Variants in ATP2B4 observed in about 807,000 individuals in gnomAD.
ATP2B4 encodes plasma membrane calcium-transporting ATPase 4.
A neutral mutation model predicts 110.3 loss-of-function variants in ATP2B4; 39 were observed. That is an observed-to-expected ratio of 0.35 (90% CI 0.27 to 0.46). The LOEUF (loss-of-function observed/expected upper bound fraction) is 0.46, where lower values mean the gene tolerates loss of function less well. Ranked by LOEUF, ATP2B4 falls within the 20% of genes least tolerant of loss-of-function variation. The pLI is 1.00. For synonymous variants in ATP2B4, 538 were observed against 571.7 expected, an observed-to-expected ratio of 0.94 and a Z score of 0.84; for missense variants, 1,135 against 1,530.9, an observed-to-expected ratio of 0.74 and a Z score of 4.32.
intron 2 of ATP2B4, among the ~76,000 whole-genome samples, chr1:203,694,981 T>G (rs1480338205): frequency 6.6e-6 from 1 of 152,202 alleles, no homozygotes; most frequent in Non-Finnish European, 1.5e-5. Flanking sequence ...GGTATTAGCA[T>G]GAGAGCAGAG....
chr1:203,717,610 TGTGAAATGG>T (rs1666195475), intron 15 of ATP2B4, among the ~76,000 whole-genome samples: 3 of 150,724 alleles, frequency 2.0e-5, no homozygotes, highest in Non-Finnish European at 4.4e-5. Context: ...TTCATTTTAA[TGTGAAATGG>T]TATTTATTTT....
Position 203,627,674 on chromosome 1 carries a change from G to GAAAA in ATP2B4, c.-465+468_-465+471dup, listed in dbSNP as rs58557409. Among the ~76,000 whole-genome samples, 18 of 134,630 alleles carry GAAAA rather than the reference G, an allele frequency of 1.3e-4. No homozygotes were observed. The East Asian group carries it at 2.5e-3, about 19-fold the overall frequency. The allele number at this position is 134,630 out of a possible 152,430, so 88.3% of individuals were successfully genotyped here. On this transcript the variant is annotated intron_variant, in intron 1 of 20. Transcript: ENST00000357681. ...TTCTCGAAAGCCCAAAAGAGAGATG[G>GAAAA]AAAAAAAAAAAAAAAAGGAACCAAA...
At chr1:203,678,254 A>T (rs1169446064) in intron 1 of ATP2B4, among the ~76,000 whole-genome samples, 1 of 152,042 alleles carries the variant, frequency 6.6e-6, no homozygotes, top group African/African-American at 2.4e-5. Flanking sequence ...TAGTTTGGGG[A>T]TGTATTTCTT....
intron 1 of ATP2B4, among the ~76,000 whole-genome samples, chr1:203,681,873 T>C (rs895453357): frequency 6.6e-6 from 1 of 151,304 alleles, no homozygotes; most frequent in East Asian, 1.9e-4. Flanking sequence ...AGAGAAACTT[T>C]AATGCTCAGG....
At chr1:203,667,024 T>G (rs1664523933) in intron 1 of ATP2B4, among the ~76,000 whole-genome samples, 1 of 152,204 alleles carries the variant, frequency 6.6e-6, no homozygotes, top group African/African-American at 2.4e-5. Flanking sequence ...CCATCTCCAC[T>G]CACTGCAACC....
chr1:203,704,467 C>CTTTTTTTTTTTTTTTTTTT (rs35019828), intron 8 of ATP2B4, among the ~76,000 whole-genome samples: 1 of 68,794 alleles, frequency 1.5e-5, no homozygotes, highest in Non-Finnish European at 2.6e-5. Context: ...AAGGAACAGT[C>CTTTTTTTTTTTTTTTTTTT]TTTTTTTTTT....
At chr1:203,736,472 C>CA (rs71566126) in intron 20 of ATP2B4, among the ~76,000 whole-genome samples, 120 of 143,174 alleles carry the variant, frequency 8.4e-4, no homozygotes, top group Admixed American at 2.5e-3. Context: ...CCATCCCCCC[C>CA]AAAAAAAAAA....
At chr1:203,736,704 G>A (rs780390940) in intron 20 of ATP2B4, among the ~76,000 whole-genome samples, 2 of 152,176 alleles carry the variant, frequency 1.3e-5, no homozygotes, top group Admixed American at 6.5e-5. Flanking sequence ...TGTGTGGAGA[G>A]TGCTCAAAGC....
At chr1:203,649,106 C>T (rs527639874) in intron 1 of ATP2B4, among the ~76,000 whole-genome samples, 1 of 152,184 alleles carries the variant, frequency 6.6e-6, no homozygotes, top group East Asian at 1.9e-4. Flanking sequence ...GAGATTTTTG[C>T]ATGGGAAAGT....
At chr1:203,683,483 A>G (rs549956406) in intron 2 of ATP2B4, 85 bp downstream of exon 2, 2 of 1,375,948 alleles carry the variant, frequency 1.5e-6, no homozygotes, top group Admixed American at 2.3e-5. Context: ...GAGAAGGCAC[A>G]TTTCTGGAGG....
At chr1:203,661,646 G>T (rs1017894296) in intron 1 of ATP2B4, among the ~76,000 whole-genome samples, 3 of 152,162 alleles carry the variant, frequency 2.0e-5, no homozygotes, top group Non-Finnish European at 2.9e-5. Context: ...TCCCACCATT[G>T]TCTCCTACCA....
rs1469212628 is a variant in ATP2B4, at chr1:203,665,041, A to T, written c.-464-17701A>T. On this transcript the variant is annotated intron_variant, in intron 1 of 20. Coordinates refer to ENST00000357681, the MANE Select transcript of ATP2B4 (RefSeq NM_001684.5). Reference sequence around the variant, plus strand: ...AGAGATGGACTTTCACCGTGGTCTCAATCTCCTGACCTCGTGATCTGCCCA... The same window carrying T: ...AGAGATGGACTTTCACCGTGGTCTCTATCTCCTGACCTCGTGATCTGCCCA... Among the ~76,000 whole-genome samples, 3 of 152,048 alleles carry T rather than the reference A, an allele frequency of 2.0e-5. No homozygotes were observed. In the East Asian group the frequency reaches 5.8e-4, roughly 30 times the overall value.
chr1:203,703,631 C>G (rs1282892441), intron 7 of ATP2B4, 21 bp from the exon 8 acceptor site: 3 of 1,612,026 alleles, frequency 1.9e-6, no homozygotes, highest in Non-Finnish European at 2.5e-6. Flanking sequence ...CTCACCTGTC[C>G]TATTTGTGTG....
chr1:203,642,196 C>T (rs1663653742), intron 1 of ATP2B4, among the ~76,000 whole-genome samples: 1 of 152,192 alleles, frequency 6.6e-6, no homozygotes, highest in Admixed American at 6.5e-5. Context: ...ATCCTCCCAA[C>T]TCAACCTCCT....
chr1:203,721,466 A>G, intron 17 of ATP2B4, 56 bp downstream of exon 17: 2 of 1,554,944 alleles, frequency 1.3e-6, no homozygotes, highest in Non-Finnish European at 1.8e-6. Flanking sequence ...GTGGGGGCAG[A>G]GAAAGAAGGT....
intron 2 of ATP2B4, among the ~76,000 whole-genome samples, chr1:203,694,360 A>T (rs1057408058): frequency 6.6e-6 from 1 of 152,182 alleles, no homozygotes; most frequent in Non-Finnish European, 1.5e-5. Context: ...ATTGAGCAGG[A>T]TGAGGGGGAT....
At chr1:203,694,469 A>G (rs533429093) in intron 2 of ATP2B4, among the ~76,000 whole-genome samples, 2 of 152,332 alleles carry the variant, frequency 1.3e-5, no homozygotes, top group East Asian at 3.9e-4. Flanking sequence ...GCCCTCTCCA[A>G]CAAAGAGGAA....
At chr1:203,687,031 G>A (rs780796597) in intron 2 of ATP2B4, among the ~76,000 whole-genome samples, 11 of 139,380 alleles carry the variant, frequency 7.9e-5, no homozygotes, top group African/African-American at 2.1e-4. Context: ...GAGAGATGGG[G>A]TCTTGCTCTG....
At chr1:203,641,891 G>A (rs1663641730) in intron 1 of ATP2B4, among the ~76,000 whole-genome samples, 1 of 152,210 alleles carries the variant, frequency 6.6e-6, no homozygotes, top group South Asian at 2.1e-4. Flanking sequence ...GCCCAGAACA[G>A]TATTTGGCAC....
Sources: gnomAD v4.1 joint callset for allele counts (sites outside exome capture counted in the v4.1 genomes callset) on GRCh38, gnomAD v4.1.1 for gene constraint, MANE v1.5 for transcripts, NCBI Gene and HGNC (gene_info 2026-07-23, HGNC 2026-07-21) for gene names.